The following C11orf24 variants were observed in gnomAD, a reference collection of about 807,000 sequenced individuals.
C11orf24 encodes chromosome 11 open reading frame 24.
A neutral mutation model predicts 7.3 loss-of-function variants in C11orf24; 5 were observed. That is an observed-to-expected ratio of 0.69 (90% confidence interval 0.36 to 1.45). The LOEUF is 1.45. C11orf24 is among the 40% of genes most tolerant of loss of function. C11orf24 has a pLI of 0.03. For synonymous variants in C11orf24, 233 were observed against 235.7 expected, an observed-to-expected ratio of 0.99 and a Z score of 0.11; for missense variants, 566 against 590.5, an observed-to-expected ratio of 0.96 and a Z score of 0.43.
Position 68,261,752 on chromosome 11 carries a change from T to G in C11orf24, c.1243A>C (p.Thr415Pro). Reference protein sequence around the residue: ...VLLLGVTLFITVLVLFALQAY... With the variant: ...VLLLGVTLFIPVLVLFALQAY... ...TGCAGGGCAAACAAAACCAAGACTG[T>G]GATGAAAAGGGTCACCCCGAGTAAC... is the stretch of plus-strand genomic sequence containing the variant. Residue 415 changes from threonine to proline, a missense_variant, in exon 4 of 4, where the codon ACA becomes CCA. Thr to Pro is a conservative substitution (Grantham distance 38). Transcript: ENST00000304271. 1 of 1,614,180 alleles carries G rather than the reference T, an allele frequency of 6.2e-7. No individual in the cohort carries two copies. Among genetic ancestry groups the G allele is most frequent in the South Asian group, 1.1e-5 (1 of 91,078 alleles).
rs758861690 is a variant in C11orf24, at chr11:68,262,426, G to A, written c.569C>T (p.Thr190Ile). The change falls in exon 4 of 4, where the codon ACA becomes ATA. Residue 190 changes from threonine to isoleucine, a missense_variant. Coordinates refer to ENST00000304271, the MANE Select transcript of C11orf24 (RefSeq NM_022338.4). ...TTATGHPSLS[T>I]ALAQVPKSSA... is the part of the protein sequence containing the mutation. Reference sequence around the variant, plus strand: ...GCTCTTTGGCACTTGTGCGAGGGCTGTGCTGAGAGATGGATGCCCAGTGGC... The same window carrying A: ...GCTCTTTGGCACTTGTGCGAGGGCTATGCTGAGAGATGGATGCCCAGTGGC... The A allele has an allele frequency of 6.2e-7, 1 of 1,614,184 alleles. No individual in the cohort carries two copies. The highest frequency in any genetic ancestry group is 1.7e-5 in the Admixed American group (1 of 60,026).
At chr11:68,264,596 G>GTCCATCCA (rs1158464819) in intron 2 of C11orf24, among the ~76,000 whole-genome samples, 2 of 9,572 alleles carry the variant, frequency 2.1e-4, no homozygotes, top group South Asian at 4.2e-3. Flanking sequence ...CCATCCATAA[G>GTCCATCCA]TCCATCCATC....
intron 3 of C11orf24, chr11:68,263,370 C>A (rs775139579): frequency 2.2e-6 from 1 of 447,368 alleles, no homozygotes; most frequent in Non-Finnish European, 4.0e-6. Context: ...AAATGAATGG[C>A]ACAGAGTGGG....
intron 2 of C11orf24, 141 bp from the exon 3 acceptor site, chr11:68,264,007 G>A: frequency 1.8e-6 from 1 of 550,706 alleles, no homozygotes. Context: ...CTGGTGCCCA[G>A]GAAGACCTCA....
intron 1 of C11orf24, among the ~76,000 whole-genome samples, chr11:68,271,124 A>G (rs1463457554): frequency 2.0e-5 from 3 of 152,202 alleles, no homozygotes; most frequent in Admixed American, 6.5e-5. Context: ...TGTATTTTAA[A>G]GATTTTCCTA....
chr11:68,267,429 C>A, intron 2 of C11orf24: 1 of 152,258 alleles, frequency 6.6e-6, no homozygotes. Flanking sequence ...TGTGAGTGCC[C>A]ACGGCATCAC....
At chr11:68,264,823 A>T in intron 2 of C11orf24, among the ~76,000 whole-genome samples, 1 of 151,342 alleles carries the variant, frequency 6.6e-6, no homozygotes, top group Non-Finnish European at 1.5e-5. Flanking sequence ...AGGGACCTGC[A>T]GTCCATGGGA....
intron 3 of C11orf24, chr11:68,263,238 G>C: frequency 2.3e-6 from 1 of 437,996 alleles, no homozygotes; most frequent in South Asian, 3.3e-5. Flanking sequence ...CAACAGGTGT[G>C]ATTCACCATT....
rs191822793 is a variant in C11orf24, at chr11:68,263,653, C to T, written c.76+39G>A. ...AGGGCTCAGCATGCTTTGTGGCCAC[C>T]GTGGGCCCATCCAGCAGTCACACAG... On this transcript the variant is annotated intron_variant, in intron 3 of 3. Coordinates refer to ENST00000304271, the MANE Select transcript of C11orf24 (RefSeq NM_022338.4). The T allele has an allele frequency of 8.7e-5, 138 of 1,586,968 alleles. No individual in the cohort carries two copies. The African/African-American group carries it at 1.6e-3, about 18-fold the overall frequency.
intron 2 of C11orf24, among the ~76,000 whole-genome samples, chr11:68,266,192 C>T (rs186235794): frequency 4.6e-5 from 7 of 152,332 alleles, no homozygotes; most frequent in African/African-American, 1.7e-4. Context: ...CTCTGAGCCC[C>T]GCTGAGCTGC....
chr11:68,271,403 G>A (rs2098567872), intron 1 of C11orf24, among the ~76,000 whole-genome samples: 1 of 152,116 alleles, frequency 6.6e-6, no homozygotes, highest in Non-Finnish European at 1.5e-5. Context: ...GTAGAGAGAG[G>A]GTCTGGGGGA....
In C11orf24 at chr11:68,261,655, G is replaced by A. The variant is rs578108111; in HGVS notation, c.1340C>T (p.Ser447Leu). ...AGGCCCCCGCCCCCCTCACATTTCT[G>A]AGTCCGCATACATCCCGTTGATTAA... ...DYLINGMYAD[S>L]EM is the part of the protein sequence containing the mutation. Residue 447 changes from serine (S) to leucine (L), a missense_variant, in exon 4 of 4, where the codon TCA (serine) becomes TTA (leucine). Physicochemically the swap from Ser to Leu is moderately radical, Grantham distance 145. Transcript: ENST00000304271. 1.9e-6 allele frequency: 3 copies of A among 1,599,666 alleles called. No homozygotes were observed. Among genetic ancestry groups the A allele is most frequent in the South Asian group, 2.2e-5 (2 of 90,866 alleles).
chr11:68,265,667 T>C (rs181863050), intron 2 of C11orf24, among the ~76,000 whole-genome samples: 168 of 152,242 alleles, frequency 1.1e-3, no homozygotes, highest in Middle Eastern at 0.01. Flanking sequence ...TTTTTGTGTG[T>C]GTGGAGAGAG....
Position 68,261,577 on chromosome 11 carries a change from G to A in C11orf24, c.*68C>T. On this transcript the variant is annotated 3_prime_UTR_variant, in exon 4 of 4. Coordinates refer to ENST00000304271, the MANE Select transcript of C11orf24 (RefSeq NM_022338.4). Reference sequence around the variant, plus strand: ...CACCAAAAGAATTTGGAAGCACTTGGTTTGGTCTCAAAGGCAAAAGGAAAG... The same window carrying A: ...CACCAAAAGAATTTGGAAGCACTTGATTTGGTCTCAAAGGCAAAAGGAAAG... The A allele has an allele frequency of 7.0e-7, 1 of 1,424,644 alleles. No homozygotes were observed. The highest frequency in any genetic ancestry group is 9.5e-7 in the Non-Finnish European group (1 of 1,048,386). The allele number at this position is 1,424,644 out of a possible 1,614,324, so 88.3% of individuals were successfully genotyped here. A position where few individuals can be genotyped will look rare whatever the true frequency, so the allele number is the denominator to read the frequency against.
chr11:68,271,146 C>T (rs1055265893), intron 1 of C11orf24, among the ~76,000 whole-genome samples: 1 of 152,114 alleles, frequency 6.6e-6, no homozygotes, highest in African/African-American at 2.4e-5. Flanking sequence ...CTGATTTTAT[C>T]GAAATGTTAG....
chr11:68,270,586 T>TTA (rs764716147), intron 1 of C11orf24, among the ~76,000 whole-genome samples: 1 of 142,956 alleles, frequency 7.0e-6, no homozygotes, highest in East Asian at 2.0e-4. Flanking sequence ...CCCCATCTCT[T>TTA]AAAAAAAAAA....
In C11orf24 at chr11:68,262,978, T is replaced by C. The variant is rs112631203; in HGVS notation, c.77-60A>G. On this transcript the variant is annotated intron_variant, in intron 3 of 3. Transcript: ENST00000304271. ...TCATGTTCAATCCTGCACAGGGGGA[T>C]TGCTCAGGGATCGGCTTCCACCCAG... is the stretch of plus-strand genomic sequence containing the variant. 1.7e-5 allele frequency: 26 copies of C among 1,526,140 alleles called. No homozygotes were observed. In the African/African-American group the frequency reaches 2.3e-4, roughly 14 times the overall value. 94.5% of individuals were successfully genotyped at this position (1,526,140 alleles called of 1,614,324 possible).
Position 68,262,376 on chromosome 11 carries a change from G to A in C11orf24, c.619C>T (p.Leu207=). The part of the protein sequence containing the change: ...KSSALPRTAT[L]ATLATRAQTV... ...TGAGCACGTGTGGCCAATGTGGCCA[G>A]GGTTGCTGTTCTTGGCAACGCGCTG... Residue 207 remains leucine, a synonymous_variant, in exon 4 of 4, where the codon CTG becomes TTG. Transcript: ENST00000304271. The A allele has an allele frequency of 6.2e-7, 1 of 1,614,194 alleles. No individual in the cohort carries two copies. Among genetic ancestry groups the A allele is most frequent in the African/African-American group, 1.3e-5 (1 of 75,038 alleles).
chr11:68,263,932 C>A lies in C11orf24; in HGVS notation c.-99-66G>T, dbSNP rs1298961741. 6 of 619,584 alleles carry A rather than the reference C, an allele frequency of 9.7e-6. No homozygotes were observed. In the East Asian group the frequency reaches 1.4e-4, roughly 14 times the overall value. 38.4% of individuals were successfully genotyped at this position (619,584 alleles called of 1,614,324 possible). A position where few individuals can be genotyped will look rare whatever the true frequency, so the allele number is the denominator to read the frequency against. On this transcript the variant is annotated intron_variant, in intron 2 of 3. Coordinates refer to ENST00000304271, the MANE Select transcript of C11orf24 (RefSeq NM_022338.4). ...AGCAACACACAGCCTTGCCTGAGAG[C>A]ACCTGCTGTGGAGGGCTCTGGCAGG...
Sources: allele counts gnomAD v4.1 joint callset (sites outside exome capture counted in the v4.1 genomes callset), GRCh38; gene constraint gnomAD v4.1.1; transcripts MANE v1.5; gene names NCBI Gene and HGNC (gene_info 2026-07-23, HGNC 2026-07-21).